VAV2: variants seen among roughly 807,000 people sequenced by gnomAD.
The protein encoded by VAV2 is vav guanine nucleotide exchange factor 2, also known as guanine nucleotide exchange factor VAV2.
In VAV2, 67 loss-of-function variants were observed where a neutral mutation model predicts 132.5. The observed-to-expected ratio is 0.51, with a 90% CI of 0.42 to 0.62. The LOEUF (loss-of-function observed/expected upper bound fraction) is 0.62. VAV2 is among the 20% of genes least tolerant of loss of function. The pLI is 0.00. For missense variants in VAV2, 938 were observed against 1,153.6 expected (o/e 0.81, Z 2.71); for synonymous variants, 492 against 443.5 (o/e 1.11, Z -1.37).
At chr9:133,854,889 G>C (rs952975330) in intron 3 of VAV2, among the ~76,000 whole-genome samples, 5 of 152,236 alleles carry the variant, frequency 3.3e-5, no homozygotes, top group Non-Finnish European at 5.9e-5. Context: ...CAGGTGGCCA[G>C]GATGTTTGAT....
chr9:133,815,816 G>C (rs1449304124), intron 4 of VAV2, among the ~76,000 whole-genome samples: 1 of 152,170 alleles, frequency 6.6e-6, no homozygotes, highest in Non-Finnish European at 1.5e-5. Flanking sequence ...GGTGGGTGGG[G>C]GGTTACACAG....
At chr9:133,938,395 G>A (rs543220894) in intron 2 of VAV2, among the ~76,000 whole-genome samples, 2 of 152,242 alleles carry the variant, frequency 1.3e-5, no homozygotes, top group South Asian at 4.2e-4. Flanking sequence ...AAGGCAGGTG[G>A]CCCCTGCGTC....
intron 3 of VAV2, among the ~76,000 whole-genome samples, chr9:133,839,714 G>A (rs1356284563): frequency 2.0e-5 from 3 of 152,150 alleles, no homozygotes; most frequent in African/African-American, 4.8e-5. Flanking sequence ...CTCCCAAAGT[G>A]CTGGGATTAC....
Position 133,769,881 on chromosome 9 carries a change from G to A in VAV2, c.2348-378C>T, listed in dbSNP as rs925108321. Among the ~76,000 whole-genome samples, 1 of 152,210 alleles carries A rather than the reference G, an allele frequency of 6.6e-6. No homozygotes were observed. Among genetic ancestry groups the A allele is most frequent in the Non-Finnish European group, 1.5e-5 (1 of 68,030 alleles). ...GACCCTGCAGGCTGGAGGACGTGGGGTGACTCTGGAGAGAGTCCTGAGCGG... is the reference window on the plus strand; with the variant it reads ...GACCCTGCAGGCTGGAGGACGTGGGATGACTCTGGAGAGAGTCCTGAGCGG... On this transcript the variant is annotated intron_variant, in intron 27 of 29. Coordinates refer to ENST00000371850, the MANE Select transcript of VAV2 (RefSeq NM_001134398.2). The surrounding 1 kb of genome is among the most constrained non-coding windows in gnomAD (Gnocchi z 8.1).
intron 4 of VAV2, among the ~76,000 whole-genome samples, chr9:133,832,772 T>C (rs1443645582): frequency 6.6e-6 from 1 of 152,170 alleles, no homozygotes; most frequent in Non-Finnish European, 1.5e-5. Context: ...TTGGCCAGAC[T>C]GGTCTCCGAC....
Position 133,857,260 on chromosome 9 carries a change from C to T in VAV2, c.380+4114G>A, listed in dbSNP as rs1215767870. 6.6e-6 allele frequency among the ~76,000 whole-genome samples: 1 copy of T among 152,180 alleles called. No individual in the cohort carries two copies. Among genetic ancestry groups the T allele is most frequent in the Non-Finnish European group, 1.5e-5 (1 of 68,030 alleles). ...GCAAGACCCACATCCCCACACGCCT[C>T]GCTGGGTGCCTTCCACAAACCCCTC... is the stretch of plus-strand genomic sequence containing the variant. On this transcript the variant is annotated intron_variant, in intron 3 of 29. Coordinates refer to ENST00000371850, the MANE Select transcript of VAV2 (RefSeq NM_001134398.2). The surrounding 1 kb of genome is among the most constrained non-coding windows in gnomAD (Gnocchi z 4.0).
At position 133,779,947 on chromosome 9, in the gene VAV2, G is replaced by A; in HGVS notation, c.1741-8C>T. On this transcript the variant is annotated splice_region_variant and splice_polypyrimidine_tract_variant and intron_variant, in intron 20 of 29. Transcript: ENST00000371850. ...TCCCGCTCCGGAGGCGTCCTGTGAG[G>A]ACAAGGACAGAACACAGAGATGAGG... 6.2e-7 allele frequency: 1 copy of A among 1,612,610 alleles called. No homozygotes were observed. The highest frequency in any genetic ancestry group is 2.2e-5 in the East Asian group (1 of 44,846).
At chr9:133,771,236 G>T (rs1017786258) in intron 26 of VAV2, among the ~76,000 whole-genome samples, 2 of 151,954 alleles carry the variant, frequency 1.3e-5, no homozygotes, top group Non-Finnish European at 2.9e-5. Flanking sequence ...GCTAATTTTT[G>T]TATTTTTTGT....
Position 133,919,743 on chromosome 9 carries a change from G to A in VAV2, c.321+19360C>T, listed in dbSNP as rs557614015. On this transcript the variant is annotated intron_variant, in intron 2 of 29. Coordinates refer to ENST00000371850, the MANE Select transcript of VAV2 (RefSeq NM_001134398.2). The surrounding 1 kb of genome is among the most constrained non-coding windows in gnomAD (Gnocchi z 5.8). ...CAGATGGACGTGGCCAGTCTCAGGG[G>A]AGCAACACAAACAGCGCATTCTTGG... Among the ~76,000 whole-genome samples, 1 of 152,300 alleles carries A rather than the reference G, an allele frequency of 6.6e-6. No homozygotes were observed. Among genetic ancestry groups the A allele is most frequent in the East Asian group, 1.9e-4 (1 of 5,172 alleles).
In VAV2 at chr9:133,863,902, G is replaced by A. The variant is rs886834774; in HGVS notation, c.322-2470C>T. On this transcript the variant is annotated intron_variant, in intron 2 of 29. Transcript: ENST00000371850. This position sits in a 1 kb window ranked among gnomAD's most constrained non-coding sequence, Gnocchi z 5.0. ...GGCCCCATGTGAAACCCACTGGCCT[G>A]AAAGGTTAGGAGCAGAAGTACCTCC... Among the ~76,000 whole-genome samples, 1 of 152,102 alleles carries A rather than the reference G, an allele frequency of 6.6e-6. No homozygotes were observed. Among genetic ancestry groups the A allele is most frequent in the Non-Finnish European group, 1.5e-5 (1 of 68,018 alleles).
chr9:133,873,771 T>C (rs534213170), intron 2 of VAV2, among the ~76,000 whole-genome samples: 3 of 152,272 alleles, frequency 2.0e-5, no homozygotes, highest in African/African-American at 7.2e-5. Flanking sequence ...TTAGCAGCCA[T>C]CTGGTCCAAA....
intron 4 of VAV2, among the ~76,000 whole-genome samples, chr9:133,815,494 C>T (rs1417769212): frequency 1.3e-5 from 2 of 152,102 alleles, no homozygotes; most frequent in Non-Finnish European, 2.9e-5. Flanking sequence ...ACCCTTCTGA[C>T]TGTTCTTCAC....
chr9:133,777,541 A>C lies in VAV2; in HGVS notation c.1891-78T>G, dbSNP rs144471836. 3.6e-4 allele frequency: 501 copies of C among 1,378,272 alleles called. 1 individual carries two copies. The African/African-American group carries it at 6.3e-3, about 17-fold the overall frequency. The allele number at this position is 1,378,272 out of a possible 1,614,324, so 85.4% of individuals were successfully genotyped here. On this transcript the variant is annotated intron_variant, in intron 22 of 29. Coordinates refer to ENST00000371850, the MANE Select transcript of VAV2 (RefSeq NM_001134398.2). ...AGTGTGGGGCCATTTAGACGGACTC[A>C]GCGTATGCCAATCCCGCTCCTGGAG...
At chr9:133,986,531 CTGGA>C (rs1250953597) in intron 1 of VAV2, among the ~76,000 whole-genome samples, 3 of 152,176 alleles carry the variant, frequency 2.0e-5, no homozygotes, top group African/African-American at 4.8e-5. Flanking sequence ...ATGCTGTTGG[CTGGA>C]TGGAGACAGC....
At chr9:133,913,162 G>A (rs1839941649) in intron 2 of VAV2, among the ~76,000 whole-genome samples, 2 of 152,212 alleles carry the variant, frequency 1.3e-5, no homozygotes, top group East Asian at 1.9e-4. Flanking sequence ...CACCTCTGGT[G>A]AGACAATGTC....
intron 2 of VAV2, among the ~76,000 whole-genome samples, chr9:133,899,519 A>T (rs1839355456): frequency 6.6e-6 from 1 of 151,530 alleles, no homozygotes; most frequent in Admixed American, 6.6e-5. Context: ...AGCGATTCTC[A>T]TGCCTTAGCC....
chr9:133,795,246 C>A (rs939124817), intron 12 of VAV2, among the ~76,000 whole-genome samples: 1 of 152,104 alleles, frequency 6.6e-6, no homozygotes, highest in Non-Finnish European at 1.5e-5. Flanking sequence ...TGGGGGCCCT[C>A]GAAACAGCCA....
At chr9:133,780,830 T>C in intron 19 of VAV2, 120 bp from the exon 20 acceptor site, 1 of 1,128,916 alleles carries the variant, frequency 8.9e-7, no homozygotes, top group Non-Finnish European at 1.1e-6. Context: ...TGAGCCAAGC[T>C]ACAAAGTGGT....
intron 2 of VAV2, among the ~76,000 whole-genome samples, chr9:133,862,774 G>C (rs2131872479): frequency 6.6e-6 from 1 of 152,352 alleles, no homozygotes. Flanking sequence ...GGAAAACCGA[G>C]GATCGGTCAC....
Sources: allele counts gnomAD v4.1 joint callset (sites outside exome capture counted in the v4.1 genomes callset), GRCh38; gene constraint gnomAD v4.1.1; non-coding constraint Gnocchi (gnomAD v3.1); transcripts MANE v1.5; gene names NCBI Gene and HGNC (gene_info 2026-07-23, HGNC 2026-07-21).